The following VAV2 variants were observed in gnomAD, a reference collection of about 807,000 sequenced individuals.
The protein encoded by VAV2 is guanine nucleotide exchange factor VAV2.
In VAV2, 67 loss-of-function variants were observed where a neutral mutation model predicts 132.5. The observed-to-expected ratio is 0.51, with a 90% CI of 0.42 to 0.62. VAV2 has a LOEUF of 0.62. VAV2 is among the 20% of genes least tolerant of loss of function. The probability of loss-of-function intolerance (pLI) is 0.00; values close to 1 mark genes in which losing one functional copy is unlikely to be tolerated. For missense variants in VAV2, 938 were observed against 1,153.6 expected (o/e 0.81, Z 2.71); for synonymous variants, 492 against 443.5 (o/e 1.11, Z -1.37).
At chr9:133,776,679 C>T (rs1003191302) in intron 23 of VAV2, among the ~76,000 whole-genome samples, 10 of 152,198 alleles carry the variant, frequency 6.6e-5, no homozygotes, top group African/African-American at 2.2e-4. Context: ...CCTCCCCTGC[C>T]GCCTGGTCCC....
Position 133,933,869 on chromosome 9 carries a change from G to GAAT in VAV2, c.321+5233_321+5234insATT, listed in dbSNP as rs1381284653. On this transcript the variant is annotated intron_variant, in intron 2 of 29. Coordinates refer to ENST00000371850, the MANE Select transcript of VAV2 (RefSeq NM_001134398.2). Reference sequence around the variant, plus strand: ...TGGATGGGTGGAAGGATGGGTGGATGGATGGATGGATGAATGATGGATGGA... The same window carrying GAAT: ...TGGATGGGTGGAAGGATGGGTGGATGAATGATGGATGGATGAATGATGGATGGA... 5.3e-5 allele frequency among the ~76,000 whole-genome samples: 8 copies of GAAT among 149,642 alleles called. No individual in the cohort carries two copies. The South Asian group carries it at 1.8e-3, about 33-fold the overall frequency.
At chr9:133,764,646 T>A (rs1383999432) in intron 29 of VAV2, among the ~76,000 whole-genome samples, 1 of 152,022 alleles carries the variant, frequency 6.6e-6, no homozygotes, top group African/African-American at 2.4e-5. Context: ...AATAGAGGGA[T>A]TTAGACAAAG....
chr9:133,980,097 G>A (rs79783847), intron 1 of VAV2, among the ~76,000 whole-genome samples: 2,994 of 152,304 alleles, frequency 0.02, 88 homozygotes, highest in African/African-American at 0.066. Context: ...GCCCAGGACC[G>A]GAAGCCATGT....
intron 2 of VAV2, among the ~76,000 whole-genome samples, chr9:133,913,441 G>A (rs778116220): frequency 6.6e-6 from 1 of 152,186 alleles, no homozygotes; most frequent in Non-Finnish European, 1.5e-5. Flanking sequence ...GCGCTTCCTG[G>A]TGCCCCACTC....
intron 10 of VAV2, 94 bp from the exon 11 acceptor site, chr9:133,796,618 C>A: frequency 8.6e-7 from 1 of 1,163,414 alleles, no homozygotes; most frequent in South Asian, 1.4e-5. Context: ...GAGACCTAAG[C>A]CCAGAACTCA....
Position 133,770,514 on chromosome 9 carries a change from C to T in VAV2, c.2224-13G>A. On this transcript the variant is annotated splice_polypyrimidine_tract_variant and intron_variant, in intron 26 of 29. Coordinates refer to ENST00000371850, the MANE Select transcript of VAV2 (RefSeq NM_001134398.2). ...ACTCCACCAACTCCTGCAGGGCGTA[C>T]ACACTCACTGACAGCTGCTGCCACC... is the stretch of plus-strand genomic sequence containing the variant. 2 of 1,613,222 alleles carry T rather than the reference C, an allele frequency of 1.2e-6. No homozygotes were observed. Among genetic ancestry groups the T allele is most frequent in the Non-Finnish European group, 1.7e-6 (2 of 1,179,372 alleles).
intron 2 of VAV2, among the ~76,000 whole-genome samples, chr9:133,882,458 G>A (rs958067102): frequency 1.2e-4 from 19 of 152,150 alleles, no homozygotes; most frequent in Admixed American, 9.8e-4. Flanking sequence ...GGATCACAGC[G>A]GATGTCATGA....
intron 1 of VAV2, among the ~76,000 whole-genome samples, chr9:133,968,466 T>C (rs966985940): frequency 2.0e-5 from 3 of 152,022 alleles, no homozygotes; most frequent in African/African-American, 7.2e-5. Flanking sequence ...GAGATGCAGT[T>C]GTCAAAGCTC....
intron 2 of VAV2, among the ~76,000 whole-genome samples, chr9:133,933,083 C>T (rs1468214006): frequency 6.6e-6 from 1 of 152,274 alleles, no homozygotes; most frequent in Non-Finnish European, 1.5e-5. Context: ...CCAGCCTCCA[C>T]ATGGGGCCAT....
At chr9:133,803,294 C>G (rs1368497177) in intron 9 of VAV2, among the ~76,000 whole-genome samples, 2 of 152,224 alleles carry the variant, frequency 1.3e-5, no homozygotes, top group African/African-American at 4.8e-5. Flanking sequence ...ACAGAGAGCT[C>G]CTCTTGAAAG....
Position 133,976,220 on chromosome 9 carries a change from C to T in VAV2, c.204+15855G>A, listed in dbSNP as rs569207355. ...GATTCCATTTCAAAAAAAAAAAATG[C>T]TATGTTGGCCGCCTCTAGGGTCATC... On this transcript the variant is annotated intron_variant, in intron 1 of 29. Coordinates refer to ENST00000371850, the MANE Select transcript of VAV2 (RefSeq NM_001134398.2). Among the ~76,000 whole-genome samples, 15 of 152,040 alleles carry T rather than the reference C, an allele frequency of 9.9e-5. No homozygotes were observed. In the South Asian group the frequency reaches 2.7e-3, roughly 27 times the overall value.
chr9:133,823,859 C>A lies in VAV2; in HGVS notation c.449+10413G>T, dbSNP rs1303270058. Among the ~76,000 whole-genome samples the A allele has an allele frequency of 1.3e-5, 2 of 152,232 alleles. No homozygotes were observed. Among genetic ancestry groups the A allele is most frequent in the African/African-American group, 4.8e-5 (2 of 41,464 alleles). On this transcript the variant is annotated intron_variant, in intron 4 of 29. Coordinates refer to ENST00000371850, the MANE Select transcript of VAV2 (RefSeq NM_001134398.2). The surrounding 1 kb of genome is among the most constrained non-coding windows in gnomAD (Gnocchi z 5.5). ...AACCCCTGGAAGTCCCAGGCCATAC[C>A]TGCTCACACACACACGGGAATGCGG...
chr9:133,888,122 C>T (rs565947590), intron 2 of VAV2, among the ~76,000 whole-genome samples: 1 of 152,266 alleles, frequency 6.6e-6, no homozygotes, highest in Non-Finnish European at 1.5e-5. Flanking sequence ...ACAGGAGGTC[C>T]CCGCAGGACT....
intron 2 of VAV2, among the ~76,000 whole-genome samples, chr9:133,874,554 C>A (rs1338243770): frequency 2.0e-5 from 3 of 152,130 alleles, no homozygotes; most frequent in Non-Finnish European, 4.4e-5. Flanking sequence ...TACAAGAATC[C>A]CACAGGAAGC....
At chr9:133,942,354 T>G (rs1345761177) in intron 1 of VAV2, among the ~76,000 whole-genome samples, 2 of 152,228 alleles carry the variant, frequency 1.3e-5, no homozygotes, top group African/African-American at 4.8e-5. Flanking sequence ...GAAGGAGCTG[T>G]TGCTGCCACA....
rs1226834768 is a variant in VAV2 at position 133,818,392 on chromosome 9, A to G, written c.450-6176T>C. Among the ~76,000 whole-genome samples the G allele has an allele frequency of 4.0e-5, 6 of 149,224 alleles. No individual in the cohort carries two copies. The East Asian group carries it at 5.9e-4, about 15-fold the overall frequency. On this transcript the variant is annotated intron_variant, in intron 4 of 29. Coordinates refer to ENST00000371850, the MANE Select transcript of VAV2 (RefSeq NM_001134398.2). Reference sequence around the variant, plus strand: ...AAAAAAAAAAAAAAAAAATGGGTGGACTTGCTCTCTTCTGAAGTTGAGACA... The same window carrying G: ...AAAAAAAAAAAAAAAAAATGGGTGGGCTTGCTCTCTTCTGAAGTTGAGACA...
In VAV2 at chr9:133,928,577, T is replaced by C. The variant is rs1000157191; in HGVS notation, c.321+10526A>G. On this transcript the variant is annotated intron_variant, in intron 2 of 29. Coordinates refer to ENST00000371850, the MANE Select transcript of VAV2 (RefSeq NM_001134398.2). The surrounding 1 kb of genome is among the most constrained non-coding windows in gnomAD (Gnocchi z 5.4). ...GACCGACTGGCAGAAAGGCCTCGGG[T>C]GAGCACAGAGTCTTCTGCACTCAGC... Among the ~76,000 whole-genome samples, 3 of 152,126 alleles carry C rather than the reference T, an allele frequency of 2.0e-5. No homozygotes were observed. Among genetic ancestry groups the C allele is most frequent in the Admixed American group, 2.0e-4 (3 of 15,280 alleles).
intron 2 of VAV2, among the ~76,000 whole-genome samples, chr9:133,897,192 G>A (rs185140059): frequency 1.6e-3 from 242 of 152,308 alleles, no homozygotes; most frequent in African/African-American, 5.5e-3. Context: ...ATTGCTGAAG[G>A]ACGCGGGAAA....
chr9:133,919,598 C>G lies in VAV2; in HGVS notation c.321+19505G>C, dbSNP rs1840221541. The stretch of plus-strand genomic sequence containing the variant: ...GAAGCCACCAGGACACCGGGTTTTT[C>G]CTGAACATTCCTCCCATCTTGGGAG... On this transcript the variant is annotated intron_variant, in intron 2 of 29. Coordinates refer to ENST00000371850, the MANE Select transcript of VAV2 (RefSeq NM_001134398.2). The surrounding 1 kb of genome is among the most constrained non-coding windows in gnomAD (Gnocchi z 5.8). Among the ~76,000 whole-genome samples the G allele has an allele frequency of 6.6e-6, 1 of 152,208 alleles. No individual in the cohort carries two copies. The highest frequency in any genetic ancestry group is 1.5e-5 in the Non-Finnish European group (1 of 68,042).
Sources: gnomAD v4.1 joint callset for allele counts (sites outside exome capture counted in the v4.1 genomes callset) on GRCh38, gnomAD v4.1.1 for gene constraint, Gnocchi (gnomAD v3.1) non-coding constraint, MANE v1.5 for transcripts, NCBI Gene and HGNC (gene_info 2026-07-23, HGNC 2026-07-21) for gene names.